The following ZNF76 variants were observed in gnomAD, a reference collection of about 807,000 sequenced individuals.
The protein encoded by ZNF76 is zinc finger protein 76.
Under a neutral mutation model 66.9 loss-of-function variants are expected in ZNF76, and 66 were observed. That is an observed-to-expected ratio of 0.99 (90% CI 0.81 to 1.21). The LOEUF is 1.21. Among genes scored for constraint, ZNF76 ranks in the 50% most tolerant of loss-of-function variants. The pLI is 0.00. For missense variants in ZNF76, 729 were observed against 760.3 expected (o/e 0.96, Z 0.48); for synonymous variants, 275 against 296.1 (o/e 0.93, Z 0.73).
Position 35,292,341 on chromosome 6 carries a change from C to G in ZNF76, c.932-213C>G. On this transcript the variant is annotated intron_variant, in intron 9 of 13. Coordinates refer to ENST00000373953, the MANE Select transcript of ZNF76 (RefSeq NM_003427.5). This position sits in a 1 kb window ranked among gnomAD's most constrained non-coding sequence, Gnocchi z 4.7. ...CCTTGCCCTGTCCCCCGTTTCCTTT[C>G]CGCCTTGTCTCTGGATTCAGTGGTT... 1.7e-6 allele frequency: 1 copy of G among 593,788 alleles called. No individual in the cohort carries two copies. The highest frequency in any genetic ancestry group is 3.0e-6 in the Non-Finnish European group (1 of 328,848). The allele number at this position is 593,788 out of a possible 1,614,324, so 36.8% of individuals were successfully genotyped here.
intron 1 of ZNF76, among the ~76,000 whole-genome samples, chr6:35,261,846 A>G (rs1196781605): frequency 2.6e-5 from 4 of 151,870 alleles, no homozygotes; most frequent in Non-Finnish European, 5.9e-5. Flanking sequence ...ACCGTTTGCC[A>G]TGTAACTTGG....
Position 35,287,861 on chromosome 6 carries a change from G to T in ZNF76, c.432+16G>T. 12 of 1,568,326 alleles carry T rather than the reference G, an allele frequency of 7.7e-6. 1 individual carries two copies. Among genetic ancestry groups the T allele is most frequent in the Non-Finnish European group, 1.0e-5 (12 of 1,156,986 alleles). On this transcript the variant is annotated intron_variant, in intron 5 of 13. Coordinates refer to ENST00000373953, the MANE Select transcript of ZNF76 (RefSeq NM_003427.5). The surrounding 1 kb of genome is among the most constrained non-coding windows in gnomAD (Gnocchi z 4.0). ...TGCCAGCAAGGTGAGCACGCACAGC[G>T]TGACACGGTCTGTCACTCTAGACAA...
At chr6:35,268,739 C>G (rs569951458) in intron 1 of ZNF76, among the ~76,000 whole-genome samples, 1 of 150,516 alleles carries the variant, frequency 6.6e-6, no homozygotes, top group Non-Finnish European at 1.5e-5. Flanking sequence ...CACCATTGCT[C>G]TCCAGCCTGG....
chr6:35,290,986 G>A (rs1790296056), intron 7 of ZNF76: 1 of 592,944 alleles, frequency 1.7e-6, no homozygotes. Flanking sequence ...ATTATTGGGT[G>A]GGCCATTGCA....
Position 35,295,476 on chromosome 6 carries a change from C to T in ZNF76, c.*228C>T, listed in dbSNP as rs775046777. The T allele has an allele frequency of 9.0e-6, 5 of 555,282 alleles. No homozygotes were observed. Among genetic ancestry groups the T allele is most frequent in the South Asian group, 1.9e-5 (1 of 53,820 alleles). 34.4% of individuals were successfully genotyped at this position (555,282 alleles called of 1,614,324 possible). A position where few individuals can be genotyped will look rare whatever the true frequency, so the allele number is the denominator to read the frequency against. ...GTGCATCATCCTCGGGAGCTGACAA[C>T]AGCCAGGCTACACCAGGGCACCCGC... On this transcript the variant is annotated 3_prime_UTR_variant, in exon 14 of 14. Coordinates refer to ENST00000373953, the MANE Select transcript of ZNF76 (RefSeq NM_003427.5).
chr6:35,274,936 A>G (rs972122307), intron 1 of ZNF76, among the ~76,000 whole-genome samples: 1 of 152,002 alleles, frequency 6.6e-6, no homozygotes, highest in African/African-American at 2.4e-5. Flanking sequence ...GGGCGGATCA[A>G]GAGGTCAGGA....
At chr6:35,266,159 A>AT (rs35775558) in intron 1 of ZNF76, among the ~76,000 whole-genome samples, 76,710 of 148,156 alleles carry the variant, frequency 0.52, 22,667 homozygotes, top group South Asian at 0.65. Context: ...GGTGGCTACA[A>AT]TTTTTTTTTT....
At chr6:35,275,209 T>C (rs1383158614) in intron 1 of ZNF76, among the ~76,000 whole-genome samples, 2 of 152,104 alleles carry the variant, frequency 1.3e-5, no homozygotes, top group Admixed American at 6.6e-5. Context: ...CTCCTAGTTC[T>C]GGGAGAGTCA....
intron 1 of ZNF76, among the ~76,000 whole-genome samples, chr6:35,266,331 T>G (rs1281601267): frequency 1.4e-4 from 22 of 152,108 alleles, no homozygotes. Flanking sequence ...TTTTGTATTT[T>G]TAGTAGAGAT....
intron 1 of ZNF76, among the ~76,000 whole-genome samples, chr6:35,277,855 G>T (rs887140101): frequency 1.3e-5 from 2 of 152,062 alleles, no homozygotes; most frequent in Non-Finnish European, 2.9e-5. Flanking sequence ...AGGTTTTTTT[G>T]GGTTTTTCGT....
rs955008039 is a variant in ZNF76, at chr6:35,261,679, A to G, written c.-97+1838A>G. Among the ~76,000 whole-genome samples the G allele has an allele frequency of 3.9e-5, 6 of 152,164 alleles. No homozygotes were observed. The South Asian group carries it at 1.0e-3, about 26-fold the overall frequency. ...CTCAGCTCCTTATTCCTTATTTTCT[A>G]GTAATTCCTAAATACAACATCAGCT... On this transcript the variant is annotated intron_variant, in intron 1 of 13. Coordinates refer to ENST00000373953, the MANE Select transcript of ZNF76 (RefSeq NM_003427.5).
chr6:35,262,136 C>G (rs1328293732), intron 1 of ZNF76, among the ~76,000 whole-genome samples: 1 of 151,870 alleles, frequency 6.6e-6, no homozygotes, highest in African/African-American at 2.4e-5. Flanking sequence ...AGGGTAATAT[C>G]AAATAGTAAT....
At chr6:35,283,415 A>T (rs1040578934) in intron 2 of ZNF76, among the ~76,000 whole-genome samples, 1 of 152,222 alleles carries the variant, frequency 6.6e-6, no homozygotes, top group African/African-American at 2.4e-5. Flanking sequence ...TGGAAGCCCT[A>T]AAATTGTAAG....
intron 4 of ZNF76, 183 bp downstream of exon 4, chr6:35,286,582 G>A (rs2150367419): frequency 1.6e-6 from 1 of 639,154 alleles, no homozygotes; most frequent in African/African-American, 1.8e-5. Context: ...CAGACCACAG[G>A]AGCAGCTATG....
intron 4 of ZNF76, chr6:35,286,608 T>G: frequency 1.6e-6 from 1 of 614,456 alleles, no homozygotes; most frequent in East Asian, 2.8e-5. Flanking sequence ...AACTGGGAGG[T>G]GAGCCTTGGA....
At chr6:35,281,544 C>G (rs1312805093) in intron 2 of ZNF76, among the ~76,000 whole-genome samples, 1 of 152,184 alleles carries the variant, frequency 6.6e-6, no homozygotes, top group Non-Finnish European at 1.5e-5. Flanking sequence ...CAGATATCCC[C>G]TGTCACAGTT....
At chr6:35,289,814 A>G (rs1264743819) in intron 5 of ZNF76, among the ~76,000 whole-genome samples, 1 of 152,100 alleles carries the variant, frequency 6.6e-6, no homozygotes, top group African/African-American at 2.4e-5. Flanking sequence ...TTGTTTATGT[A>G]CTTTTAAGCA....
chr6:35,287,757 CAG>C lies in ZNF76; in HGVS notation c.347_348del (p.Glu116GlyfsTer11). The C allele has an allele frequency of 1.9e-6, 3 of 1,614,218 alleles. No individual in the cohort carries two copies. The highest frequency in any genetic ancestry group is 2.5e-6 in the Non-Finnish European group (3 of 1,180,042). On this transcript the variant is annotated frameshift_variant, in exon 5 of 14. Coordinates refer to ENST00000373953, the MANE Select transcript of ZNF76 (RefSeq NM_003427.5). LOFTEE classifies it high-confidence loss of function. The surrounding 1 kb of genome is among the most constrained non-coding windows in gnomAD (Gnocchi z 4.0). ...GAGAGCACCATCCTGGCCGTACAGACAGAGGTGGGCTTGGAGGACCTGGCAGC... is the reference window on the plus strand; with the variant it reads ...GAGAGCACCATCCTGGCCGTACAGACAGGTGGGCTTGGAGGACCTGGCAGC...
At chr6:35,285,783 C>G (rs558466888) in intron 2 of ZNF76, among the ~76,000 whole-genome samples, 106 of 152,316 alleles carry the variant, frequency 7.0e-4, no homozygotes, top group African/African-American at 2.5e-3. Context: ...GGGGCTCATC[C>G]AGGTTTAAGG....
Sources: gnomAD v4.1 joint callset for allele counts (sites outside exome capture counted in the v4.1 genomes callset) on GRCh38, gnomAD v4.1.1 for gene constraint, Gnocchi (gnomAD v3.1) non-coding constraint, MANE v1.5 for transcripts, NCBI Gene and HGNC (gene_info 2026-07-23, HGNC 2026-07-21) for gene names.